Variants in CLVS1 observed in about 807,000 individuals in gnomAD.
CLVS1 encodes clavesin-1.
Under a neutral mutation model 33.1 loss-of-function variants are expected in CLVS1, and 10 were observed. The ratio of observed to expected loss-of-function variants is 0.30; its 90% CI spans 0.19 to 0.51. The LOEUF (loss-of-function observed/expected upper bound fraction) is 0.51. CLVS1 is among the 20% of genes least tolerant of loss of function. The pLI, the probability that CLVS1 is intolerant of heterozygous loss-of-function variation, is 0.97. For synonymous variants in CLVS1, 163 were observed against 166.1 expected (o/e 0.98, Z 0.14); for missense variants, 343 against 433.4 (o/e 0.79, Z 1.85).
At chr8:61,302,202 A>G (rs184052068) in intron 2 of CLVS1, among the ~76,000 whole-genome samples, 1 of 152,254 alleles carries the variant, frequency 6.6e-6, no homozygotes, top group East Asian at 1.9e-4. Context: ...CAACACTATC[A>G]GTCTAGAATT....
intron 5 of CLVS1, among the ~76,000 whole-genome samples, chr8:61,467,297 T>C (rs1033714005): frequency 9.8e-5 from 15 of 152,318 alleles, no homozygotes; most frequent in African/African-American, 3.6e-4. Flanking sequence ...GCAGGTTAGA[T>C]ATCACAATTG....
intron 2 of CLVS1, among the ~76,000 whole-genome samples, chr8:61,157,700 A>G (rs1312648253): frequency 6.6e-6 from 1 of 151,938 alleles, no homozygotes; most frequent in Non-Finnish European, 1.5e-5. Context: ...CTACAACTCA[A>G]TAATAAAAAA....
At chr8:61,203,636 T>C (rs1415073625) in intron 2 of CLVS1, among the ~76,000 whole-genome samples, 1 of 152,136 alleles carries the variant, frequency 6.6e-6, no homozygotes. Context: ...GGGAGGAAAG[T>C]CTTTGAAGAG....
chr8:61,074,512 T>A (rs1325219258), intron 1 of CLVS1, among the ~76,000 whole-genome samples: 1 of 145,124 alleles, frequency 6.9e-6, no homozygotes, highest in Non-Finnish European at 1.5e-5. Context: ...TGTATATATA[T>A]GTATATATGC....
chr8:61,387,653 C>T (rs558092227), intron 3 of CLVS1, among the ~76,000 whole-genome samples: 2 of 152,074 alleles, frequency 1.3e-5, no homozygotes, highest in South Asian at 4.2e-4. Flanking sequence ...CTCTGAGTCC[C>T]CAAAGTTCAC....
intron 3 of CLVS1, among the ~76,000 whole-genome samples, chr8:61,400,512 A>G (rs1224470433): frequency 1.3e-5 from 2 of 152,116 alleles, no homozygotes; most frequent in African/African-American, 2.4e-5. Context: ...TTCCTGTTTG[A>G]ATATGCTTTA....
the CLVS1 span, among the ~76,000 whole-genome samples, chr8:61,019,452 T>TA: frequency 7.9e-5 from 12 of 151,894 alleles, no homozygotes; most frequent in African/African-American, 2.4e-4. Flanking sequence ...AATATTTTCC[T>TA]AAAAAAAATA....
At chr8:61,039,205 A>T in the CLVS1 span, among the ~76,000 whole-genome samples, 1 of 152,250 alleles carries the variant, frequency 6.6e-6, no homozygotes, top group Non-Finnish European at 1.5e-5. Context: ...CTGAATTAAC[A>T]AATTTTCACA....
Position 61,299,545 on chromosome 8 carries a change from G to C in CLVS1, c.-151-132G>C, listed in dbSNP as rs1489814955. 7 of 348,964 alleles carry C rather than the reference G, an allele frequency of 2.0e-5. No homozygotes were observed. The East Asian group carries it at 3.2e-4, about 16-fold the overall frequency. 21.6% of individuals were successfully genotyped at this position (348,964 alleles called of 1,614,324 possible). ...CCATTTTAAGGATAATTTATCATTTGTTCTTTGGACACCTAATCTAATCAG... is the reference window on the plus strand; with the variant it reads ...CCATTTTAAGGATAATTTATCATTTCTTCTTTGGACACCTAATCTAATCAG... On this transcript the variant is annotated intron_variant, in intron 1 of 5. Transcript: ENST00000325897.
chr8:61,234,524 C>T (rs542909910), intron 2 of CLVS1, among the ~76,000 whole-genome samples: 6 of 152,262 alleles, frequency 3.9e-5, no homozygotes, highest in African/African-American at 1.4e-4. Context: ...GAGATCCAAT[C>T]AAGATGAGGC....
At chr8:61,329,308 A>G (rs1432327619) in intron 2 of CLVS1, among the ~76,000 whole-genome samples, 1 of 152,088 alleles carries the variant, frequency 6.6e-6, no homozygotes, top group Admixed American at 6.5e-5. Context: ...TTGAAATAGC[A>G]TGCACATACT....
At chr8:61,365,605 T>G (rs191636572) in intron 2 of CLVS1, among the ~76,000 whole-genome samples, 105 of 152,272 alleles carry the variant, frequency 6.9e-4, no homozygotes, top group Non-Finnish European at 1.3e-3. Flanking sequence ...CTTAATTCAC[T>G]CATGTCGGGG....
At chr8:61,175,564 C>T (rs1049689590) in intron 2 of CLVS1, among the ~76,000 whole-genome samples, 10 of 152,138 alleles carry the variant, frequency 6.6e-5, no homozygotes, top group African/African-American at 9.7e-5. Flanking sequence ...GTTAAGATGA[C>T]GTCACCCTGG....
chr8:61,300,364 T>A (rs1810382986), intron 2 of CLVS1, 82 bp downstream of exon 2: 16 of 1,171,344 alleles, frequency 1.4e-5, no homozygotes, highest in Non-Finnish European at 1.9e-5. Context: ...TGGCTTTATA[T>A]GTAATGGGCT....
At chr8:61,073,748 C>T (rs1585589246) in intron 1 of CLVS1, among the ~76,000 whole-genome samples, 1 of 152,228 alleles carries the variant, frequency 6.6e-6, no homozygotes, top group East Asian at 1.9e-4. Flanking sequence ...CGCAGTGGCT[C>T]ACACCTGTAA....
upstream of CLVS1, among the ~76,000 whole-genome samples, chr8:61,285,943 T>C (rs1809767589): frequency 6.9e-6 from 1 of 145,928 alleles, no homozygotes; most frequent in Non-Finnish European, 1.5e-5. Flanking sequence ...CTGGATCATA[T>C]TTTGTTTTCC....
chr8:61,333,446 TAAAAC>T (rs1445167951), intron 2 of CLVS1, among the ~76,000 whole-genome samples: 8 of 151,904 alleles, frequency 5.3e-5, no homozygotes, highest in Non-Finnish European at 8.8e-5. Flanking sequence ...GCAGGAAAAA[TAAAAC>T]AGAAAGAAAA....
chr8:61,203,758 T>C (rs926971432), intron 2 of CLVS1, among the ~76,000 whole-genome samples: 9 of 152,208 alleles, frequency 5.9e-5, no homozygotes, highest in African/African-American at 1.7e-4. Context: ...TTCTCTTGCT[T>C]TCTGAACATC....
At chr8:61,007,826 G>C in the CLVS1 span, among the ~76,000 whole-genome samples, 3 of 152,200 alleles carry the variant, frequency 2.0e-5, no homozygotes, top group Non-Finnish European at 4.4e-5. Flanking sequence ...ACAACGGAAG[G>C]GGGAGGGAAG....
Sources: allele counts gnomAD v4.1 joint callset (sites outside exome capture counted in the v4.1 genomes callset), GRCh38; gene constraint gnomAD v4.1.1; transcripts MANE v1.5; gene names NCBI Gene and HGNC (gene_info 2026-07-23, HGNC 2026-07-21).